Variants in TSHZ3 observed in about 807,000 individuals in gnomAD.
TSHZ3 encodes teashirt zinc finger homeobox 3, also known as teashirt homolog 3.
TSHZ3 carries 10 observed loss-of-function variants against 64.5 expected under a neutral mutation model. The observed-to-expected ratio is 0.16, with a 90% CI of 0.10 to 0.26. The LOEUF (loss-of-function observed/expected upper bound fraction) is 0.26. Ranked by LOEUF, TSHZ3 falls within the 10% of genes least tolerant of loss-of-function variation. The probability of loss-of-function intolerance (pLI) is 1.00; values close to 1 mark genes in which losing one functional copy is unlikely to be tolerated. For synonymous variants in TSHZ3, 608 were observed against 593.1 expected (o/e 1.03, Z -0.36); for missense variants, 1,242 against 1,421.7 (o/e 0.87, Z 2.03).
chr19:31,218,076 C>T (rs1049442573), intron 4 of TSHZ3, among the ~76,000 whole-genome samples: 2 of 152,140 alleles, frequency 1.3e-5, no homozygotes, highest in African/African-American at 4.8e-5. Flanking sequence ...AAAATTTCTC[C>T]TCTGTGAAAG....
Position 31,247,902 on chromosome 19 carries a change from G to A in TSHZ3, n.64-5027C>T, listed in dbSNP as rs77218442. 5.9e-5 allele frequency among the ~76,000 whole-genome samples: 9 copies of A among 152,076 alleles called. No individual in the cohort carries two copies. In the East Asian group the frequency reaches 7.7e-4, roughly 13 times the overall value. ...TATGTATGTATTAGTCTGTTTTCAC[G>A]CTGCTGATAAAGACACATCTGAGAT... On this transcript the variant is annotated intron_variant and non_coding_transcript_variant, in intron 1 of 6. Transcript: ENST00000651361.
chr19:31,349,243 TGCCGCC>T lies in TSHZ3; in HGVS notation c.-30_-25del. 2.0e-6 allele frequency: 3 copies of T among 1,470,468 alleles called. No homozygotes were observed. The highest frequency in any genetic ancestry group is 2.9e-5 in the African/African-American group (2 of 69,528). 91.1% of individuals were successfully genotyped at this position (1,470,468 alleles called of 1,614,324 possible). Reference sequence around the variant, plus strand: ...ATGATGCTTCTCCGGCGACTGCCACTGCCGCCGCCGCCGCCGCTGCCGGGCTGAGGA... The same window carrying T: ...ATGATGCTTCTCCGGCGACTGCCACTGCCGCCGCCGCTGCCGGGCTGAGGA... On this transcript the variant is annotated 5_prime_UTR_variant, in exon 1 of 2. Transcript: ENST00000240587.
chr19:31,268,712 G>T (rs894499144), intron 1 of TSHZ3, among the ~76,000 whole-genome samples: 4 of 152,132 alleles, frequency 2.6e-5, no homozygotes, highest in African/African-American at 9.7e-5. Flanking sequence ...TGACTCCTTG[G>T]GTTGAAAGCA....
chr19:31,163,811 C>G (rs920303740), intron 5 of TSHZ3, among the ~76,000 whole-genome samples: 1 of 152,124 alleles, frequency 6.6e-6, no homozygotes, highest in African/African-American at 2.4e-5. Context: ...GCACACAGCT[C>G]AGAGAGGTGA....
At chr19:31,303,583 G>C (rs1453664393) in intron 1 of TSHZ3, among the ~76,000 whole-genome samples, 2 of 152,172 alleles carry the variant, frequency 1.3e-5, no homozygotes, top group Admixed American at 6.5e-5. Context: ...AATCACTCAG[G>C]AGTCTGGTGG....
intron 1 of TSHZ3, among the ~76,000 whole-genome samples, chr19:31,288,658 T>C (rs1165608786): frequency 1.3e-5 from 2 of 152,146 alleles, no homozygotes; most frequent in East Asian, 3.9e-4. Flanking sequence ...TCCTCCCACC[T>C]CAGCCTCCCT....
At chr19:31,164,894 A>G (rs570062898) in intron 5 of TSHZ3, among the ~76,000 whole-genome samples, 12 of 152,308 alleles carry the variant, frequency 7.9e-5, no homozygotes, top group African/African-American at 2.9e-4. Context: ...CAGGAAACAC[A>G]ACACAGACAG....
intron 3 of TSHZ3, among the ~76,000 whole-genome samples, chr19:31,235,648 TTCTATTTCTTTCTA>T (rs1161184195): frequency 8.7e-6 from 1 of 115,578 alleles, no homozygotes; most frequent in Admixed American, 9.4e-5. Context: ...CTTTCTTTCT[TTCTATTTCTTTCTA>T]TTTCTTTCTT....
chr19:31,159,543 A>C (rs1184019223), intron 5 of TSHZ3, among the ~76,000 whole-genome samples: 1 of 152,188 alleles, frequency 6.6e-6, no homozygotes, highest in Admixed American at 6.5e-5. Context: ...ATGTGGCTAT[A>C]AGAAAATGTA....
At chr19:31,191,866 C>CT (rs781695246) in intron 5 of TSHZ3, among the ~76,000 whole-genome samples, 1 of 152,042 alleles carries the variant, frequency 6.6e-6, no homozygotes, top group Non-Finnish European at 1.5e-5. Context: ...GTGACCCTGC[C>CT]TCAAAAAGAT....
At chr19:31,157,087 A>T (rs1484309115) in intron 5 of TSHZ3, among the ~76,000 whole-genome samples, 3 of 146,002 alleles carry the variant, frequency 2.1e-5, no homozygotes, top group Non-Finnish European at 4.5e-5. Flanking sequence ...ATATATTGAC[A>T]TTCTAACCTG....
chr19:31,321,579 T>C (rs1013788007), intron 1 of TSHZ3, among the ~76,000 whole-genome samples: 2 of 152,208 alleles, frequency 1.3e-5, no homozygotes, highest in African/African-American at 2.4e-5. Context: ...GCAAGGGGCC[T>C]GGCCACAATC....
At chr19:31,213,797 G>T (rs754057543) in intron 4 of TSHZ3, among the ~76,000 whole-genome samples, 1 of 152,164 alleles carries the variant, frequency 6.6e-6, no homozygotes, top group Non-Finnish European at 1.5e-5. Context: ...GGCACTTAGC[G>T]CACGTTTGGT....
chr19:31,172,898 A>G (rs916692879), intron 5 of TSHZ3, among the ~76,000 whole-genome samples: 1 of 152,228 alleles, frequency 6.6e-6, no homozygotes, highest in African/African-American at 2.4e-5. Flanking sequence ...TTCCTGGCAC[A>G]GCAGTAGGTC....
intron 4 of TSHZ3, among the ~76,000 whole-genome samples, chr19:31,222,742 A>G (rs1186993296): frequency 6.6e-6 from 1 of 152,134 alleles, no homozygotes; most frequent in Non-Finnish European, 1.5e-5. Flanking sequence ...TATTGAATCC[A>G]GGTAAGTGGC....
At chr19:31,259,616 C>T (rs1975958932) in intron 1 of TSHZ3, among the ~76,000 whole-genome samples, 1 of 151,836 alleles carries the variant, frequency 6.6e-6, no homozygotes, top group South Asian at 2.1e-4. Context: ...TCACCTGTCC[C>T]TGGGTATCTG....
At chr19:31,168,515 G>C (rs1441059069) in intron 5 of TSHZ3, among the ~76,000 whole-genome samples, 1 of 152,216 alleles carries the variant, frequency 6.6e-6, no homozygotes, top group Non-Finnish European at 1.5e-5. Context: ...AAATTGGAGA[G>C]AGCAAAGCGC....
At chr19:31,291,782 C>A (rs1305656058) in intron 1 of TSHZ3, among the ~76,000 whole-genome samples, 1 of 152,214 alleles carries the variant, frequency 6.6e-6, no homozygotes, top group Non-Finnish European at 1.5e-5. Flanking sequence ...TCCATACACT[C>A]ACTCTGTGTG....
Position 31,158,212 on chromosome 19 carries a change from TG to T in TSHZ3, n.810-1796del, listed in dbSNP as rs548978327. Among the ~76,000 whole-genome samples the T allele has an allele frequency of 1.7e-3, 260 of 152,282 alleles. No individual in the cohort carries two copies. The Middle Eastern group carries it at 0.024, about 14-fold the overall frequency. On this transcript the variant is annotated intron_variant and non_coding_transcript_variant, in intron 5 of 6. Transcript: ENST00000651361. ...GGCTACTGAACACTCGACATGTGGC[TG>T]GGACGAAAGAAAATGTACTATCAAT...
Sources: gnomAD v4.1 joint callset for allele counts (sites outside exome capture counted in the v4.1 genomes callset) on GRCh38, gnomAD v4.1.1 for gene constraint, MANE v1.5 for transcripts, NCBI Gene and HGNC (gene_info 2026-07-23, HGNC 2026-07-21) for gene names.